The following NDRG2 variants were observed in gnomAD, a reference collection of about 807,000 sequenced individuals.
The protein encoded by NDRG2 is NDRG family member 2.
NDRG2 carries 34 observed loss-of-function variants against 58.2 expected under a neutral mutation model. That is an observed-to-expected ratio of 0.58 (90% CI 0.44 to 0.78). The LOEUF (loss-of-function observed/expected upper bound fraction) is 0.78. NDRG2 is among the 30% of genes least tolerant of loss of function. NDRG2 has a pLI of 0.00. For missense variants in NDRG2, 434 were observed against 471.2 expected (o/e 0.92, Z 0.73); for synonymous variants, 187 against 175.9 (o/e 1.06, Z -0.50).
At chr14:21,019,275 G>A in intron 10 of NDRG2, 115 bp from the exon 11 acceptor site, 1 of 1,060,078 alleles carries the variant, frequency 9.4e-7, no homozygotes. Context: ...TCAAATCTTG[G>A]TTATTAAAGG....
At chr14:21,032,098 T>G (rs200569869) in intron 1 of NDRG2, 3 of 1,607,444 alleles carry the variant, frequency 1.9e-6, no homozygotes, top group East Asian at 2.2e-5. Flanking sequence ...CATCTCAGCC[T>G]GCTAGCCCCC....
chr14:21,030,700 T>A (rs758969524), upstream of NDRG2: 3 of 1,614,174 alleles, frequency 1.9e-6, no homozygotes, highest in Non-Finnish European at 2.5e-6. Flanking sequence ...TGTGGCATCA[T>A]GGATGGCAAG....
At chr14:21,046,688 C>CCCAAAA (rs753263770) in intron 1 of NDRG2, among the ~76,000 whole-genome samples, 35 of 152,196 alleles carry the variant, frequency 2.3e-4, no homozygotes, top group Non-Finnish European at 3.8e-4. Flanking sequence ...CTTTGACTCC[C>CCCAAAA]CCAAAACTTA....
At position 21,024,880 on chromosome 14, in the gene NDRG2, A is replaced by T. The variant is rs1882972542; in HGVS notation, c.-857T>A. 2.0e-6 allele frequency: 2 copies of T among 985,464 alleles called. No individual in the cohort carries two copies. Among genetic ancestry groups the T allele is most frequent in the African/African-American group, 1.7e-5 (1 of 57,226 alleles). The allele number at this position is 985,464 out of a possible 1,614,324, so 61.0% of individuals were successfully genotyped here. The stretch of plus-strand genomic sequence containing the variant: ...CACGCCCTGCAGCTCTTGGAGCCTC[A>T]GCCTTTGTGCGCAGCAACCGAGCGC... On this transcript the variant is annotated 5_prime_UTR_variant, in exon 1 of 16. Coordinates refer to ENST00000556147, the MANE Select transcript of NDRG2 (RefSeq NM_001320329.2).
chr14:21,021,171 C>T (rs146679817), intron 6 of NDRG2: 1 of 501,668 alleles, frequency 2.0e-6, no homozygotes, highest in East Asian at 5.2e-5. Context: ...AGAGCCAGTT[C>T]AACTTGTTCT....
intron 1 of NDRG2, among the ~76,000 whole-genome samples, chr14:21,051,010 T>A (rs1885441689): frequency 6.6e-6 from 1 of 152,248 alleles, no homozygotes; most frequent in Admixed American, 6.5e-5. Flanking sequence ...TCATACAAAG[T>A]TATTTTCTGT....
intron 1 of NDRG2, among the ~76,000 whole-genome samples, chr14:21,038,316 A>G (rs1159411155): frequency 6.6e-6 from 1 of 152,240 alleles, no homozygotes; most frequent in African/African-American, 2.4e-5. Flanking sequence ...GAAATGTGCA[A>G]AAGAAATGTA....
At chr14:21,038,682 A>G (rs111390347) in intron 1 of NDRG2, among the ~76,000 whole-genome samples, 2,569 of 152,260 alleles carry the variant, frequency 0.017, 69 homozygotes, top group African/African-American at 0.06. Flanking sequence ...CCCGATTGTG[A>G]CAGACCCTGA....
At chr14:21,062,948 T>TA (rs36072613) in intron 1 of NDRG2, among the ~76,000 whole-genome samples, 26,376 of 128,026 alleles carry the variant, frequency 0.21, 3,120 homozygotes, top group African/African-American at 0.36. Context: ...ACCTTGTCTC[T>TA]AAAAAAAAAA....
intron 1 of NDRG2, among the ~76,000 whole-genome samples, chr14:21,046,619 C>T (rs543717490): frequency 2.0e-5 from 3 of 152,080 alleles, no homozygotes; most frequent in Admixed American, 2.0e-4. Context: ...GTACAGTTGG[C>T]TTTTGAACAA....
At position 21,020,829 on chromosome 14, in the gene NDRG2, A is replaced by G. The variant is rs1458370071; in HGVS notation, c.423T>C (p.Ile141=). The change falls in exon 7 of 16, where the codon ATT becomes ATC. Residue 141 remains isoleucine (I), a synonymous_variant. Transcript: ENST00000556147. ...AGGCTCCAGCTCCAACACCAACTCCAATTATTGTAGAGAAACTGTGAAAGG... is the reference window on the plus strand; with the variant it reads ...AGGCTCCAGCTCCAACACCAACTCCGATTATTGTAGAGAAACTGTGAAAGG... ...VLQYLNFSTI[I]GVGVGAGAYI... is the part of the protein sequence containing the mutation. 6.2e-7 allele frequency: 1 copy of G among 1,613,260 alleles called. No individual in the cohort carries two copies. The highest frequency in any genetic ancestry group is 1.7e-5 in the Admixed American group (1 of 59,748).
At chr14:21,043,020 C>A in intron 1 of NDRG2, 1 of 1,614,018 alleles carries the variant, frequency 6.2e-7, no homozygotes, top group Non-Finnish European at 8.5e-7. Flanking sequence ...AGGATTCTGC[C>A]CCCTTCTGCT....
chr14:21,019,469 A>G, intron 10 of NDRG2, 170 bp downstream of exon 10: 3 of 612,874 alleles, frequency 4.9e-6, no homozygotes, highest in Non-Finnish European at 8.7e-6. Flanking sequence ...GCCCCTTGCA[A>G]TCCTTCCCAC....
rs572143827 is a variant in NDRG2, at chr14:21,023,137, T to C, written c.75+104A>G. On this transcript the variant is annotated intron_variant, in intron 2 of 15. Transcript: ENST00000556147. ...AGAGACTAGGGTAGTGGTGAAGCAG[T>C]GGTGTGAGTTAGAATAAGATCAGTA... 4.0e-6 allele frequency: 4 copies of C among 1,008,606 alleles called. No homozygotes were observed. In the South Asian group the frequency reaches 5.7e-5, roughly 14 times the overall value. 62.5% of individuals were successfully genotyped at this position (1,008,606 alleles called of 1,614,324 possible).
At position 21,037,190 on chromosome 14, in the gene NDRG2, A is replaced by T. The variant is rs147008603; in HGVS notation, c.25-13869T>A. ...TGAACAGCACATTATAGAGGAAAGCATTCAGGACTTAAATGATTTAATGAT... is the reference window on the plus strand; with the variant it reads ...TGAACAGCACATTATAGAGGAAAGCTTTCAGGACTTAAATGATTTAATGAT... On this transcript the variant is annotated intron_variant, in intron 1 of 14. Coordinates refer to the NDRG2 transcript ENST00000403829. Among the ~76,000 whole-genome samples, 422 of 152,372 alleles carry T rather than the reference A, an allele frequency of 2.8e-3. 2 individuals are homozygous for T. Among genetic ancestry groups the T allele is most frequent in the African/African-American group, 9.7e-3 (402 of 41,592 alleles).
At chr14:21,018,657 G>T (rs1199456692) in intron 12 of NDRG2, 106 bp downstream of exon 12, 8 of 1,580,482 alleles carry the variant, frequency 5.1e-6, no homozygotes, top group South Asian at 1.2e-5. Context: ...CCCCAAAGTT[G>T]ATCTCCCTGT....
chr14:21,051,645 A>C (rs1235286222), intron 1 of NDRG2, among the ~76,000 whole-genome samples: 1 of 152,194 alleles, frequency 6.6e-6, no homozygotes, highest in East Asian at 1.9e-4. Context: ...AGAAAAGAAA[A>C]ATGGACCTGG....
chr14:21,063,736 T>C (rs1886101007), intron 1 of NDRG2, among the ~76,000 whole-genome samples: 1 of 152,236 alleles, frequency 6.6e-6, no homozygotes, highest in African/African-American at 2.4e-5. Flanking sequence ...TTAATAAATG[T>C]TCATTTAACA....
chr14:21,022,872 G>A lies in NDRG2; in HGVS notation c.109C>T (p.Gln37Ter). The change falls in exon 3 of 16, where the codon CAG becomes TAG. Residue 37 changes from glutamine (Q) to a stop codon, truncating the protein, a stop_gained. Transcript: ENST00000556147. LOFTEE classifies it high-confidence loss of function. ...AELAARILLD[Q>*]GQTHSVETPY... ...TGCCCCCACACTGTTACCTGTCCCT[G>A]GTCCAGGAGGATTCGGGCAGCTAAC... 6.2e-7 allele frequency: 1 copy of A among 1,613,786 alleles called. No individual in the cohort carries two copies. The highest frequency in any genetic ancestry group is 8.5e-7 in the Non-Finnish European group (1 of 1,179,858).
Sources: gnomAD v4.1 joint callset for allele counts (sites outside exome capture counted in the v4.1 genomes callset) on GRCh38, gnomAD v4.1.1 for gene constraint, MANE v1.5 for transcripts, NCBI Gene and HGNC (gene_info 2026-07-23, HGNC 2026-07-21) for gene names.